PSTPIP1: variants seen among roughly 807,000 people sequenced by gnomAD.
The protein encoded by PSTPIP1 is proline-serine-threonine phosphatase interacting protein 1, also known as proline-serine-threonine phosphatase-interacting protein 1.
PSTPIP1 carries 66 observed loss-of-function variants against 69.6 expected under a neutral mutation model. The ratio of observed to expected loss-of-function variants is 0.95; its 90% confidence interval spans 0.78 to 1.16. The LOEUF (loss-of-function observed/expected upper bound fraction) is 1.16. Ranked by LOEUF, PSTPIP1 falls within the 50% of genes most tolerant of loss-of-function variation. The probability of loss-of-function intolerance (pLI) is 0.00; values close to 1 mark genes in which losing one functional copy is unlikely to be tolerated. For missense variants in PSTPIP1, 603 were observed against 557.4 expected (o/e 1.08, Z -0.82); for synonymous variants, 266 against 222.7 (o/e 1.19, Z -1.73).
chr15:77,005,889 C>A (rs1191799819), intron 1 of PSTPIP1, among the ~76,000 whole-genome samples: 1 of 152,172 alleles, frequency 6.6e-6, no homozygotes, highest in African/African-American at 2.4e-5. Context: ...TCCATTGATC[C>A]ATTGATGACC....
At chr15:77,014,566 C>G (rs1440450499) in intron 1 of PSTPIP1, among the ~76,000 whole-genome samples, 1 of 152,246 alleles carries the variant, frequency 6.6e-6, no homozygotes, top group Admixed American at 6.5e-5. Context: ...ATGAGGAAAC[C>G]AGGTCCTGAG....
At chr15:77,002,953 C>T (rs2075740417) in intron 1 of PSTPIP1, among the ~76,000 whole-genome samples, 1 of 152,090 alleles carries the variant, frequency 6.6e-6, no homozygotes, top group Non-Finnish European at 1.5e-5. Flanking sequence ...ACAAACGGCA[C>T]TCAAGGTGGG....
intron 2 of PSTPIP1, 70 bp from the exon 3 acceptor site, chr15:77,018,387 C>G: frequency 6.5e-7 from 1 of 1,542,898 alleles, no homozygotes; most frequent in Non-Finnish European, 8.8e-7. Context: ...CTTCTGTGTT[C>G]CCTCAAACCT....
chr15:76,996,296 A>G (rs998694699), intron 1 of PSTPIP1, among the ~76,000 whole-genome samples: 11 of 152,234 alleles, frequency 7.2e-5, no homozygotes, highest in African/African-American at 2.7e-4. Flanking sequence ...AGCCAGTGGT[A>G]GAGGTAAAGT....
In PSTPIP1 at chr15:77,018,245, A is replaced by C; in HGVS notation, c.134A>C (p.Gln45Pro). The C allele has an allele frequency of 6.3e-7, 1 of 1,575,464 alleles. No homozygotes were observed. ...AAAGACATGGAGGAGCTACTGAGGC[A>C]GAGGTGAGCTGCTGGGCAGGCCATG... ...MCKDMEELLRQRAQAEERYGK... is the reference protein window; with the variant it reads ...MCKDMEELLRPRAQAEERYGK... The change falls in exon 2 of 15, where the codon CAG becomes CCG. Residue 45 changes from glutamine to proline, a missense_variant. Physicochemically the swap from Gln to Pro is moderately conservative, Grantham distance 76. Transcript: ENST00000558012.
Position 77,036,066 on chromosome 15 carries a change from A to AG in PSTPIP1, c.1119+133dup, listed in dbSNP as rs1260464167. 3.9e-6 allele frequency: 5 copies of AG among 1,268,782 alleles called. No individual in the cohort carries two copies. The Admixed American group carries it at 1.4e-4, about 35-fold the overall frequency. 78.6% of individuals were successfully genotyped at this position (1,268,782 alleles called of 1,614,324 possible). ...CATCTTCGAGCATCCTCTCCTCCTCAGGAGGGCACGTGTGCCCGAGTGTGT... is the reference window on the plus strand; with the variant it reads ...CATCTTCGAGCATCCTCTCCTCCTCAGGGAGGGCACGTGTGCCCGAGTGTGT... On this transcript the variant is annotated intron_variant, in intron 14 of 14. Coordinates refer to ENST00000558012, the MANE Select transcript of PSTPIP1 (RefSeq NM_003978.5).
intron 5 of PSTPIP1, among the ~76,000 whole-genome samples, chr15:77,026,499 G>A (rs1004582821): frequency 5.9e-5 from 9 of 152,356 alleles, no homozygotes; most frequent in African/African-American, 2.2e-4. Context: ...GGGTGTCCTG[G>A]CCATACCACT....
chr15:77,012,855 C>T (rs912434167), intron 1 of PSTPIP1, among the ~76,000 whole-genome samples: 6 of 152,148 alleles, frequency 3.9e-5, no homozygotes, highest in South Asian at 2.1e-4. Context: ...CCTCAGGAAG[C>T]AGCCGTCATA....
chr15:77,004,128 G>A (rs760005610), intron 1 of PSTPIP1, among the ~76,000 whole-genome samples: 2 of 152,246 alleles, frequency 1.3e-5, no homozygotes, highest in African/African-American at 2.4e-5. Context: ...AGAGGAAACT[G>A]AGCCTCTTGG....
intron 1 of PSTPIP1, among the ~76,000 whole-genome samples, chr15:76,996,456 T>G (rs1046717527): frequency 6.6e-6 from 1 of 152,152 alleles, no homozygotes; most frequent in Non-Finnish European, 1.5e-5. Context: ...TGGTTGGAGC[T>G]GGGGAATGTG....
At chr15:77,004,938 T>TA (rs1411579745) in intron 1 of PSTPIP1, among the ~76,000 whole-genome samples, 2 of 152,122 alleles carry the variant, frequency 1.3e-5, no homozygotes, top group African/African-American at 4.8e-5. Flanking sequence ...ACTGTCATTC[T>TA]AAAAAATCCC....
intron 5 of PSTPIP1, chr15:77,026,259 C>A: frequency 2.2e-6 from 1 of 453,296 alleles, no homozygotes; most frequent in Non-Finnish European, 4.4e-6. Flanking sequence ...AGGCAGGACG[C>A]AGACTGGCCT....
chr15:76,995,796 CTCCGTGAATGAGCG>C (rs1330343069), intron 1 of PSTPIP1, among the ~76,000 whole-genome samples, 187 bp downstream of exon 1: 1 of 152,216 alleles, frequency 6.6e-6, no homozygotes, highest in Non-Finnish European at 1.5e-5. Flanking sequence ...CGCAAGTGGA[CTCCGTGAATGAGCG>C]TCCTCCTCTC....
chr15:77,008,573 C>A (rs2075867743), intron 1 of PSTPIP1, among the ~76,000 whole-genome samples: 1 of 152,276 alleles, frequency 6.6e-6, no homozygotes, highest in Admixed American at 6.5e-5. Context: ...CCACACCCGG[C>A]TAATTTTTGT....
rs1235996639 is a variant in PSTPIP1, at chr15:77,035,833, G to A, written c.1017G>A (p.Glu339=). 6.2e-7 allele frequency: 1 copy of A among 1,609,898 alleles called. No individual in the cohort carries two copies. Among genetic ancestry groups the A allele is most frequent in the South Asian group, 1.1e-5 (1 of 91,016 alleles). The change falls in exon 14 of 15, where the codon GAG becomes GAA. Residue 339 remains glutamate, a synonymous_variant. Transcript: ENST00000558012. The part of the protein sequence containing the change: ...ASTETLTPTP[E]RNEGVYTAIA... ...CAGAGACCCTGACCCCCACCCCCGA[G>A]CGGAATGAGGGTGTCTACACAGCCA... is the stretch of plus-strand genomic sequence containing the variant.
intron 1 of PSTPIP1, among the ~76,000 whole-genome samples, chr15:76,997,755 G>C (rs2075612665): frequency 6.6e-6 from 1 of 152,146 alleles, no homozygotes. Context: ...ATCAGACAAG[G>C]TGGCTAGAAC....
rs1141040 is a variant in PSTPIP1, at chr15:77,028,565, A to T, written c.429A>T (p.Thr143=). 24 of 1,601,576 alleles carry T rather than the reference A, an allele frequency of 1.5e-5. No homozygotes were observed. The African/African-American group carries it at 2.8e-4, about 19-fold the overall frequency. ...CTCCACACCCCCAGTCCAAGAAGAC[A>T]TACGAGCAGAAGTGCCGGGACGCGG... ...LYKKAMESKK[T]YEQKCRDADD... Residue 143 remains threonine (T), a synonymous_variant, in exon 7 of 15, where the codon ACA becomes ACT. Coordinates refer to ENST00000558012, the MANE Select transcript of PSTPIP1 (RefSeq NM_003978.5).
intron 1 of PSTPIP1, among the ~76,000 whole-genome samples, chr15:76,999,280 C>A (rs2075646795): frequency 6.6e-6 from 1 of 151,292 alleles, no homozygotes; most frequent in South Asian, 2.1e-4. Flanking sequence ...TACTTCATTT[C>A]ACTTTTTTTT....
Position 77,032,300 on chromosome 15 carries a change from C to G in PSTPIP1, c.744C>G (p.Leu248=). The G allele has an allele frequency of 6.2e-7, 1 of 1,612,424 alleles. No individual in the cohort carries two copies. The highest frequency in any genetic ancestry group is 8.5e-7 in the Non-Finnish European group (1 of 1,179,658). The change falls in exon 11 of 15, where the codon CTC becomes CTG. Residue 248 remains leucine, a splice_region_variant and synonymous_variant. Transcript: ENST00000558012. ...GCCTCTGCTCTTTCCTGCCCCAGCT[C>G]TACGAGGAAGTGCGGCTGACGCTGG... ...LSMQCVKDDE[L]YEEVRLTLEG... is the part of the protein sequence containing the mutation.
Sources: gnomAD v4.1 joint callset for allele counts (sites outside exome capture counted in the v4.1 genomes callset) on GRCh38, gnomAD v4.1.1 for gene constraint, MANE v1.5 for transcripts, NCBI Gene and HGNC (gene_info 2026-07-23, HGNC 2026-07-21) for gene names.